IMMP2L: variants seen among roughly 807,000 people sequenced by gnomAD.
The protein encoded by IMMP2L is inner mitochondrial membrane peptidase subunit 2.
Under a neutral mutation model 19.3 loss-of-function variants are expected in IMMP2L, and 18 were observed. That is an observed-to-expected ratio of 0.93 (90% CI 0.64 to 1.38). The LOEUF is 1.38. IMMP2L is among the 40% of genes most tolerant of loss of function. IMMP2L has a pLI of 0.00. For missense variants in IMMP2L, 233 were observed against 218.2 expected (o/e 1.07, Z -0.43); for synonymous variants, 76 against 73.0 (o/e 1.04, Z -0.21).
chr7:111,102,200 T>C (rs1441448909), intron 3 of IMMP2L, among the ~76,000 whole-genome samples: 1 of 151,580 alleles, frequency 6.6e-6, no homozygotes, highest in East Asian at 1.9e-4. Flanking sequence ...AACCAGGTGA[T>C]TCAATCCTTA....
chr7:111,016,794 A>ATT lies in IMMP2L; in HGVS notation c.240-53230_240-53229insAA, dbSNP rs1427773312. ...TATGCATATATAATATATACTATAT[A>ATT]ATATATAATATATACTATATATTAT... On this transcript the variant is annotated intron_variant, in intron 3 of 5. Coordinates refer to ENST00000405709, the MANE Select transcript of IMMP2L (RefSeq NM_032549.4). 6.9e-5 allele frequency among the ~76,000 whole-genome samples: 5 copies of ATT among 72,316 alleles called. No homozygotes were observed. In the East Asian group the frequency reaches 2.8e-3, roughly 40 times the overall value. The allele number at this position is 72,316 out of a possible 152,430, so 47.4% of individuals were successfully genotyped here.
chr7:111,424,273 CT>C (rs1835865646), intron 3 of IMMP2L, among the ~76,000 whole-genome samples: 1 of 151,662 alleles, frequency 6.6e-6, no homozygotes, highest in African/African-American at 2.4e-5. Context: ...CAACAAATAT[CT>C]GTTTAAGTAG....
chr7:110,900,650 C>T (rs759398151), intron 4 of IMMP2L, among the ~76,000 whole-genome samples: 8 of 152,130 alleles, frequency 5.3e-5, no homozygotes, highest in Non-Finnish European at 1.2e-4. Context: ...CTGAGATTCC[C>T]AACCTTAACA....
At chr7:111,163,908 T>C (rs576289907) in intron 3 of IMMP2L, among the ~76,000 whole-genome samples, 21 of 152,108 alleles carry the variant, frequency 1.4e-4, no homozygotes, top group African/African-American at 4.8e-4. Flanking sequence ...AAGACTAGAA[T>C]AGATGGGGAG....
chr7:111,082,111 T>C (rs926979229), intron 3 of IMMP2L, among the ~76,000 whole-genome samples: 1 of 152,160 alleles, frequency 6.6e-6, no homozygotes, highest in African/African-American at 2.4e-5. Flanking sequence ...AGGCTACAAA[T>C]CCTGAGGTCT....
chr7:111,242,228 G>T (rs1815158879), intron 3 of IMMP2L, among the ~76,000 whole-genome samples: 1 of 152,056 alleles, frequency 6.6e-6, no homozygotes, highest in Non-Finnish European at 1.5e-5. Context: ...TCAGTGATCA[G>T]TCAGTTCAGT....
intron 5 of IMMP2L, among the ~76,000 whole-genome samples, chr7:110,702,555 C>T (rs779505438): frequency 9.9e-5 from 15 of 152,042 alleles, no homozygotes; most frequent in Non-Finnish European, 1.9e-4. Flanking sequence ...TCCAAGAACA[C>T]GGTATATTTT....
At chr7:110,717,228 G>A (rs1363264528) in intron 5 of IMMP2L, among the ~76,000 whole-genome samples, 1 of 152,194 alleles carries the variant, frequency 6.6e-6, no homozygotes, top group Non-Finnish European at 1.5e-5. Context: ...TGTAATCCCA[G>A]CACTTTGGGA....
intron 4 of IMMP2L, among the ~76,000 whole-genome samples, chr7:110,893,681 T>G (rs528546635): frequency 2.0e-5 from 3 of 152,222 alleles, no homozygotes; most frequent in South Asian, 2.1e-4. Flanking sequence ...ATTATCCAGA[T>G]AGTGAGCACA....
intron 5 of IMMP2L, among the ~76,000 whole-genome samples, chr7:110,829,375 T>C (rs1200600251): frequency 1.3e-5 from 2 of 152,152 alleles, no homozygotes; most frequent in Non-Finnish European, 2.9e-5. Context: ...CATTTGGAAA[T>C]AGTTGCCTAG....
intron 3 of IMMP2L, among the ~76,000 whole-genome samples, chr7:111,416,565 T>C (rs1348176104): frequency 6.6e-6 from 1 of 151,784 alleles, no homozygotes; most frequent in Non-Finnish European, 1.5e-5. Flanking sequence ...AAGAGAAAAA[T>C]AAAAGTACTT....
intron 3 of IMMP2L, among the ~76,000 whole-genome samples, chr7:111,281,872 G>T (rs1441320033): frequency 5.3e-5 from 8 of 152,202 alleles, no homozygotes; most frequent in Non-Finnish European, 1.2e-4. Flanking sequence ...CCACAGGAAT[G>T]GTAGGACAAC....
intron 1 of IMMP2L, among the ~76,000 whole-genome samples, chr7:111,546,820 A>G (rs1175361478): frequency 1.3e-5 from 2 of 152,202 alleles, no homozygotes; most frequent in Non-Finnish European, 2.9e-5. Flanking sequence ...AGTAGCACAC[A>G]GCAAGGAAAA....
chr7:110,745,153 A>G (rs900577999), intron 5 of IMMP2L, among the ~76,000 whole-genome samples: 4 of 152,344 alleles, frequency 2.6e-5, no homozygotes, highest in African/African-American at 9.6e-5. Context: ...AGGATATCAG[A>G]GACAGAAGAT....
chr7:111,272,556 C>G (rs576967262), intron 3 of IMMP2L, among the ~76,000 whole-genome samples: 4 of 152,184 alleles, frequency 2.6e-5, no homozygotes, highest in Non-Finnish European at 5.9e-5. Context: ...AAGGCCTGTA[C>G]AGTGCTTCAC....
At chr7:110,846,025 C>G (rs1434691329) in intron 5 of IMMP2L, among the ~76,000 whole-genome samples, 1 of 152,124 alleles carries the variant, frequency 6.6e-6, no homozygotes, top group Non-Finnish European at 1.5e-5. Context: ...TCTGTTGATT[C>G]TAAGTTTCCT....
At chr7:111,044,726 TG>T (rs1471100745) in intron 3 of IMMP2L, among the ~76,000 whole-genome samples, 1 of 152,078 alleles carries the variant, frequency 6.6e-6, no homozygotes, top group Admixed American at 6.6e-5. Flanking sequence ...GCATGACCAA[TG>T]GAAAGAAACA....
intron 4 of IMMP2L, among the ~76,000 whole-genome samples, chr7:110,958,006 G>A (rs944390372): frequency 1.1e-4 from 16 of 151,862 alleles, no homozygotes; most frequent in African/African-American, 3.6e-4. Flanking sequence ...GTTCACTTAC[G>A]TCTCTCCGGT....
chr7:111,493,120 ATC>A (rs1843248310), intron 2 of IMMP2L, among the ~76,000 whole-genome samples: 1 of 152,202 alleles, frequency 6.6e-6, no homozygotes, highest in Non-Finnish European at 1.5e-5. Context: ...TAATGTATAC[ATC>A]TCTTTCAATG....
Sources: allele counts gnomAD v4.1 joint callset (sites outside exome capture counted in the v4.1 genomes callset), GRCh38; gene constraint gnomAD v4.1.1; transcripts MANE v1.5; gene names NCBI Gene and HGNC (gene_info 2026-07-23, HGNC 2026-07-21).